The following USF3 variants were observed in gnomAD, a reference collection of about 807,000 sequenced individuals.
USF3 encodes upstream transcription factor family member 3.
A neutral mutation model predicts 157.5 loss-of-function variants in USF3; 29 were observed. The ratio of observed to expected loss-of-function variants is 0.18; its 90% CI spans 0.14 to 0.25. USF3 has a LOEUF of 0.25. USF3 is among the 10% of genes least tolerant of loss of function. USF3 has a pLI of 1.00. For synonymous variants in USF3, 893 were observed against 941.4 expected, an observed-to-expected ratio of 0.95 and a Z score of 0.94; for missense variants, 2,381 against 2,667.6, an observed-to-expected ratio of 0.89 and a Z score of 2.37.
In USF3 at chr3:113,657,594, G is replaced by A. The variant is rs1448691388; in HGVS notation, c.4088C>T (p.Thr1363Ile). The A allele has an allele frequency of 2.5e-6, 4 of 1,614,090 alleles. No homozygotes were observed. In the Admixed American group the frequency reaches 5.0e-5, roughly 20 times the overall value. ...AGTTTGGTCAGAAATGGTGTCTGGA[G>A]TTCTGCTCATCAGGGACATACTTTC... ...RLESMSLMSR[T>I]PDTISDQTQM... is the part of the protein sequence containing the mutation. Residue 1363 changes from threonine (T) to isoleucine (I), a missense_variant, in exon 7 of 7, where the codon ACT (threonine) becomes ATT (isoleucine). Coordinates refer to ENST00000316407, the MANE Select transcript of USF3 (RefSeq NM_001009899.4).
At chr3:113,689,984 C>CT (rs368400723) in intron 1 of USF3, among the ~76,000 whole-genome samples, 10 of 152,284 alleles carry the variant, frequency 6.6e-5, no homozygotes, top group Non-Finnish European at 1.5e-4. Context: ...TGTGCAAAAG[C>CT]TTTTATGTTT....
In USF3 at chr3:113,657,949, T is replaced by A; in HGVS notation, c.3733A>T (p.Ile1245Phe). 6.2e-7 allele frequency: 1 copy of A among 1,614,182 alleles called. No homozygotes were observed. The highest frequency in any genetic ancestry group is 1.6e-4 in the Middle Eastern group (1 of 6,062). Residue 1245 changes from isoleucine to phenylalanine, a missense_variant, in exon 7 of 7, where the codon ATC becomes TTC. Ile to Phe is a conservative substitution (Grantham distance 21, BLOSUM62 0). This residue lies in a region of USF3 where 1,435 missense variants were observed against 1,550.9 expected (regional missense o/e 0.93). Transcript: ENST00000316407. ...GGATGGCTGATGCTGCTCTGATGGA[T>A]AAGATTATTCACACTTAAACTGGTG... Reference protein sequence around the residue: ...SITSLSVNNLIHQSSISHPLA... With the variant: ...SITSLSVNNLFHQSSISHPLA...
rs530957621 is a variant in USF3, at chr3:113,654,422, T to A, written c.*522A>T. ...ATAAAGGCTGATTGCTTTTATTTAT[T>A]TGCTAACTGCTTGACTTTAACTACG... is the stretch of plus-strand genomic sequence containing the variant. On this transcript the variant is annotated 3_prime_UTR_variant, in exon 7 of 7. Coordinates refer to ENST00000316407, the MANE Select transcript of USF3 (RefSeq NM_001009899.4). 3 of 152,782 alleles carry A rather than the reference T, an allele frequency of 2.0e-5. No homozygotes were observed. In the South Asian group the frequency reaches 6.2e-4, roughly 32 times the overall value. The allele number at this position is 152,782 out of a possible 1,614,324, so 9.5% of individuals were successfully genotyped here.
chr3:113,679,576 G>A (rs1451153537), intron 1 of USF3, among the ~76,000 whole-genome samples: 1 of 151,914 alleles, frequency 6.6e-6, no homozygotes, highest in Non-Finnish European at 1.5e-5. Context: ...ACCATACCCA[G>A]CTAATTTTTG....
chr3:113,690,187 C>T (rs1707652575), intron 1 of USF3, among the ~76,000 whole-genome samples: 1 of 131,192 alleles, frequency 7.6e-6, no homozygotes, highest in African/African-American at 3.0e-5. Flanking sequence ...TGGATCTAGA[C>T]CCAAAAATCT....
chr3:113,665,955 T>C (rs1415096235), intron 5 of USF3, among the ~76,000 whole-genome samples: 1 of 151,858 alleles, frequency 6.6e-6, no homozygotes, highest in African/African-American at 2.4e-5. Flanking sequence ...GAAGCCGAGG[T>C]GGGCAGATCA....
In USF3 at chr3:113,674,757, C is replaced by A. The variant is rs1016972844; in HGVS notation, c.47+75G>T. The A allele has an allele frequency of 2.6e-6, 3 of 1,159,530 alleles. No homozygotes were observed. The East Asian group carries it at 7.0e-5, about 27-fold the overall frequency. The allele number at this position is 1,159,530 out of a possible 1,614,324, so 71.8% of individuals were successfully genotyped here. ...TAAATAAAAGTTCTCTAAGGACTAC[C>A]TATGTAGCAAAATAGGAACTAATTC... On this transcript the variant is annotated intron_variant, in intron 3 of 6. Transcript: ENST00000316407.
At chr3:113,676,666 G>C (rs1707290488) in intron 2 of USF3, among the ~76,000 whole-genome samples, 1 of 152,188 alleles carries the variant, frequency 6.6e-6, no homozygotes, top group African/African-American at 2.4e-5. Flanking sequence ...AGTCTACCAA[G>C]TTGGGATACC....
intron 1 of USF3, among the ~76,000 whole-genome samples, chr3:113,681,124 C>T (rs989571463): frequency 1.3e-5 from 2 of 151,946 alleles, no homozygotes; most frequent in African/African-American, 2.4e-5. Context: ...ATTACAGGTA[C>T]CCACCAGCAC....
chr3:113,680,053 CTTTT>C (rs71131103), intron 1 of USF3, among the ~76,000 whole-genome samples: 80 of 58,634 alleles, frequency 1.4e-3, no homozygotes, highest in Middle Eastern at 0.023. Context: ...CTGTAGTTTT[CTTTT>C]TTTTTTTTTT....
At chr3:113,682,516 T>C (rs1234320162) in intron 1 of USF3, among the ~76,000 whole-genome samples, 2 of 152,214 alleles carry the variant, frequency 1.3e-5, no homozygotes, top group Admixed American at 1.3e-4. Flanking sequence ...CTAATGTTTG[T>C]TGATTTTCTG....
Position 113,661,370 on chromosome 3 carries a change from G to T in USF3, c.312C>A (p.Gly104=). ...KQLEEIQKEN[G]RYIELLKAND... Reference sequence around the variant, plus strand: ...TAGCTTTCAGTAATTCAATATATCGGCCATTTTCTTTTTGGATTTCTTCCA... The same window carrying T: ...TAGCTTTCAGTAATTCAATATATCGTCCATTTTCTTTTTGGATTTCTTCCA... Residue 104 remains glycine (G), a synonymous_variant, in exon 7 of 7, where the codon GGC becomes GGA. Coordinates refer to ENST00000316407, the MANE Select transcript of USF3 (RefSeq NM_001009899.4). The T allele has an allele frequency of 1.3e-6, 2 of 1,585,690 alleles. No individual in the cohort carries two copies. Among genetic ancestry groups the T allele is most frequent in the East Asian group, 2.2e-5 (1 of 44,574 alleles).
rs927572539 is a variant in USF3 at position 113,683,735 on chromosome 3, G to A, written c.-134-6338C>T. On this transcript the variant is annotated intron_variant, in intron 1 of 6. Transcript: ENST00000316407. ...GCCCACCTTGGCCTCCCAAAGTGCT[G>A]GGATTAAAGGCGTGAGCCACCGTGC... Among the ~76,000 whole-genome samples the A allele has an allele frequency of 9.9e-5, 15 of 151,652 alleles. No individual in the cohort carries two copies. In the East Asian group the frequency reaches 2.5e-3, roughly 26 times the overall value.
intron 3 of USF3, 124 bp downstream of exon 3, chr3:113,674,708 G>T: frequency 1.3e-6 from 1 of 763,750 alleles, no homozygotes. Flanking sequence ...AATATTTTTG[G>T]AGAGTAATAA....
chr3:113,660,867 T>A lies in USF3; in HGVS notation c.815A>T (p.His272Leu). ...AGAATTTTGATCATTTAGGCATGTG[T>A]GCAAAGAATGATGTTGGTGAGGCTC... ...ESEPHQHHSLHTCLNDQNSSE... is the reference protein window; with the variant it reads ...ESEPHQHHSLLTCLNDQNSSE... The change falls in exon 7 of 7, where the codon CAC becomes CTC. Residue 272 changes from histidine (H) to leucine (L), a missense_variant. By Grantham distance (99) the His-to-Leu change is moderately conservative (BLOSUM62 -3). Transcript: ENST00000316407. 1 of 1,614,172 alleles carries A rather than the reference T, an allele frequency of 6.2e-7. No homozygotes were observed. Among genetic ancestry groups the A allele is most frequent in the South Asian group, 1.1e-5 (1 of 91,086 alleles).
intron 1 of USF3, among the ~76,000 whole-genome samples, chr3:113,686,892 C>G (rs1327864318): frequency 6.6e-6 from 1 of 152,152 alleles, no homozygotes; most frequent in Non-Finnish European, 1.5e-5. Context: ...CCTGTTAACA[C>G]TATTCAAGTA....
In USF3 at chr3:113,657,291, TGC is replaced by T; in HGVS notation, c.4389_4390del (p.Gln1464AlafsTer44). 6.2e-7 allele frequency: 1 copy of T among 1,611,094 alleles called. No homozygotes were observed. Among genetic ancestry groups the T allele is most frequent in the Non-Finnish European group, 8.5e-7 (1 of 1,178,396 alleles). ...CTGCTGCTGCTGCTGCTGCTGCTGC[TGC>T]TGCTGCTTTATGTAGAGATGGTTAC... is the stretch of plus-strand genomic sequence containing the variant. On this transcript the variant is annotated frameshift_variant, in exon 7 of 7. Transcript: ENST00000316407. LOFTEE classifies it high-confidence loss of function.
In USF3 at chr3:113,649,944, C is replaced by A; in HGVS notation, c.*5000G>T. 1.5e-6 allele frequency: 1 copy of A among 682,076 alleles called. No homozygotes were observed. Among genetic ancestry groups the A allele is most frequent in the East Asian group, 2.7e-5 (1 of 36,986 alleles). The allele number at this position is 682,076 out of a possible 1,614,324, so 42.3% of individuals were successfully genotyped here. On this transcript the variant is annotated 3_prime_UTR_variant, in exon 7 of 7. Transcript: ENST00000316407. ...CTGGGGAAAGAAAAATGGTAATGTT[C>A]AGCCAAAAAGGCATCTTGAGAAGAA...
At position 113,658,443 on chromosome 3, in the gene USF3, T is replaced by C. The variant is rs202216244; in HGVS notation, c.3239A>G (p.Asn1080Ser). The C allele has an allele frequency of 1.7e-3, 2,690 of 1,614,114 alleles. 3 individuals are homozygous for C. Among genetic ancestry groups the C allele is most frequent in the Non-Finnish European group, 2.1e-3 (2,443 of 1,180,014 alleles). The change falls in exon 7 of 7, where the codon AAC becomes AGC. Residue 1080 changes from asparagine to serine, a missense_variant. Transcript: ENST00000316407. Reference sequence around the variant, plus strand: ...CATGGGAGAGTCGGCCTGTCTACCGTTGATCAAAGAACCATTAATAACCTC... The same window carrying C: ...CATGGGAGAGTCGGCCTGTCTACCGCTGATCAAAGAACCATTAATAACCTC... ...DQEVINGSLINGRQADSPMST... is the reference protein window; with the variant it reads ...DQEVINGSLISGRQADSPMST...
Sources: allele counts gnomAD v4.1 joint callset (sites outside exome capture counted in the v4.1 genomes callset), GRCh38; gene constraint gnomAD v4.1.1; regional missense constraint gnomAD v4.1.1; transcripts MANE v1.5; gene names NCBI Gene and HGNC (gene_info 2026-07-23, HGNC 2026-07-21).